The following C18orf54 variants were observed in gnomAD, a reference collection of about 807,000 sequenced individuals.
The protein encoded by C18orf54 is chromosome 18 open reading frame 54, also known as lung adenoma susceptibility protein 2.
Under a neutral mutation model 49.3 loss-of-function variants are expected in C18orf54, and 49 were observed. The observed-to-expected ratio is 0.99, with a 90% confidence interval of 0.79 to 1.26. The LOEUF is 1.26. C18orf54 is among the 50% of genes most tolerant of loss of function. The pLI is 0.00. For missense variants in C18orf54, 687 were observed against 620.6 expected (o/e 1.11, Z -1.14); for synonymous variants, 211 against 216.6 (o/e 0.97, Z 0.23).
chr18:54,373,590 T>C (rs943851340), intron 7 of C18orf54, among the ~76,000 whole-genome samples: 2 of 151,868 alleles, frequency 1.3e-5, no homozygotes, highest in Admixed American at 1.3e-4. Context: ...GAGATTATTA[T>C]TCAGTGTCTG....
At chr18:54,368,231 G>A (rs1280466603) in intron 6 of C18orf54, among the ~76,000 whole-genome samples, 3 of 151,762 alleles carry the variant, frequency 2.0e-5, no homozygotes, top group Non-Finnish European at 4.4e-5. Context: ...TCCTTTGGTG[G>A]TGTCATATTT....
At position 54,361,926 on chromosome 18, in the gene C18orf54, A is replaced by C; in HGVS notation, c.567A>C (p.Ser189=). Residue 189 remains serine (S), a synonymous_variant, in exon 4 of 9, where the codon TCA becomes TCC. Transcript: ENST00000620105. ...ACTTTGTTACTCCTGTTATACGCTCAAATATAAATGGAAAGCAATGTGGTA... is the reference window on the plus strand; with the variant it reads ...ACTTTGTTACTCCTGTTATACGCTCCAATATAAATGGAAAGCAATGTGGTA... ...KDNFVTPVIR[S]NINGKQCGRL... 1.2e-6 allele frequency: 2 copies of C among 1,614,184 alleles called. No homozygotes were observed. Among genetic ancestry groups the C allele is most frequent in the Admixed American group, 1.7e-5 (1 of 60,030 alleles).
rs1463670416 is a variant in C18orf54 at position 54,381,018 on chromosome 18, T to C, written c.*2772T>C. The stretch of plus-strand genomic sequence containing the variant: ...TGAAGTTTCTTCAAATGTGCAAGAC[T>C]GTGTGTCTTCCTATTAGATGTATAA... On this transcript the variant is annotated 3_prime_UTR_variant, in exon 9 of 9. Transcript: ENST00000620105. The C allele has an allele frequency of 6.6e-6, 1 of 152,170 alleles. No homozygotes were observed. The highest frequency in any genetic ancestry group is 1.5e-5 in the Non-Finnish European group (1 of 68,012). 9.4% of individuals were successfully genotyped at this position (152,170 alleles called of 1,614,324 possible).
rs1261997476 is a variant in C18orf54 at position 54,379,057 on chromosome 18, A to C, written c.*811A>C. ...AATTGCTTTATCAAATTTGATAACT[A>C]AAACTTAAAATGAATATGGAAAATC... On this transcript the variant is annotated 3_prime_UTR_variant, in exon 9 of 9. Transcript: ENST00000620105. 1.3e-5 allele frequency: 2 copies of C among 152,124 alleles called. No homozygotes were observed. 9.4% of individuals were successfully genotyped at this position (152,124 alleles called of 1,614,324 possible).
chr18:54,372,747 A>C (rs2089511483), intron 7 of C18orf54, 150 bp downstream of exon 7: 2 of 639,084 alleles, frequency 3.1e-6, no homozygotes, highest in South Asian at 2.6e-5. Context: ...TTTTGTTAGG[A>C]AGTAATGTAC....
intron 6 of C18orf54, among the ~76,000 whole-genome samples, chr18:54,369,715 C>T (rs1256981046): frequency 6.6e-6 from 1 of 151,966 alleles, no homozygotes; most frequent in Non-Finnish European, 1.5e-5. Context: ...GTGATCCACC[C>T]GCCTCAACCT....
In C18orf54 at chr18:54,372,494, A is replaced by G. The variant is rs776289193; in HGVS notation, c.1355A>G (p.His452Arg). The change falls in exon 7 of 9, where the codon CAT becomes CGT. Residue 452 changes from histidine to arginine, a missense_variant. His to Arg is a conservative substitution (Grantham distance 29). Transcript: ENST00000620105. ...TGTACTCTCTCTGGAGGCAAACATCATGGTCCTGTTGAAGCCCTGAAACAA... is the reference window on the plus strand; with the variant it reads ...TGTACTCTCTCTGGAGGCAAACATCGTGGTCCTGTTGAAGCCCTGAAACAA... ...QSCTLSGGKHHGPVEALKQML... is the reference protein window; with the variant it reads ...QSCTLSGGKHRGPVEALKQML... 8 of 1,610,356 alleles carry G rather than the reference A, an allele frequency of 5.0e-6. No individual in the cohort carries two copies. The highest frequency in any genetic ancestry group is 3.3e-5 in the Admixed American group (2 of 59,862).
chr18:54,367,204 T>C (rs1347043675), intron 6 of C18orf54, among the ~76,000 whole-genome samples: 3 of 152,182 alleles, frequency 2.0e-5, no homozygotes, highest in African/African-American at 7.2e-5. Context: ...TTTTGTTTAC[T>C]GTACTCTGGT....
intron 5 of C18orf54, chr18:54,364,083 TTTC>T (rs1192233481): frequency 6.6e-6 from 1 of 151,906 alleles, no homozygotes; most frequent in Non-Finnish European, 1.5e-5. Context: ...AATATTTTAT[TTTC>T]TTCTTTTAGC....
chr18:54,369,487 TTGG>T (rs1410461282), intron 6 of C18orf54, among the ~76,000 whole-genome samples: 5 of 99,276 alleles, frequency 5.0e-5, no homozygotes, highest in South Asian at 6.6e-4. Flanking sequence ...TTTTTTTTTT[TTGG>T]AGACAGTCTT....
chr18:54,372,655 C>G (rs2089509269), intron 7 of C18orf54, 58 bp downstream of exon 7: 1 of 1,465,072 alleles, frequency 6.8e-7, no homozygotes, highest in Non-Finnish European at 9.2e-7. Context: ...AGATTTTTTT[C>G]TACATCTTTT....
chr18:54,364,468 G>T (rs1376657890), intron 5 of C18orf54, among the ~76,000 whole-genome samples: 1 of 152,074 alleles, frequency 6.6e-6, no homozygotes, highest in Non-Finnish European at 1.5e-5. Flanking sequence ...TGAAGGGAAT[G>T]TTTGTAGATA....
At chr18:54,378,071 A>T in intron 8 of C18orf54, 103 bp from the exon 9 acceptor site, 1 of 697,178 alleles carries the variant, frequency 1.4e-6, no homozygotes, top group Non-Finnish European at 2.2e-6. Context: ...TCTCATACCA[A>T]TTTTGAAGTT....
At chr18:54,362,960 A>G in intron 5 of C18orf54, 39 bp downstream of exon 5, 1 of 1,549,024 alleles carries the variant, frequency 6.5e-7, no homozygotes, top group Non-Finnish European at 8.7e-7. Flanking sequence ...TAGTTTTCCA[A>G]ATGAAAAATG....
intron 1 of C18orf54, among the ~76,000 whole-genome samples, 153 bp downstream of exon 1, chr18:54,358,228 C>T (rs1267344330): frequency 1.3e-5 from 2 of 152,014 alleles, no homozygotes; most frequent in Admixed American, 6.5e-5. Context: ...GAGGAGACGT[C>T]TCCTGAGGGA....
chr18:54,374,453 T>G (rs2089538334), intron 8 of C18orf54, among the ~76,000 whole-genome samples, 169 bp downstream of exon 8: 1 of 151,846 alleles, frequency 6.6e-6, no homozygotes, highest in African/African-American at 2.4e-5. Flanking sequence ...TTTAAACTTG[T>G]GCTTTTTCCT....
intron 7 of C18orf54, 35 bp from the exon 8 acceptor site, chr18:54,374,179 T>G (rs776658933): frequency 6.9e-7 from 1 of 1,441,824 alleles, no homozygotes; most frequent in Non-Finnish European, 9.4e-7. Flanking sequence ...TATATAATTT[T>G]AATATTTTGT....
intron 3 of C18orf54, 61 bp downstream of exon 3, chr18:54,360,916 C>A: frequency 6.9e-7 from 1 of 1,453,068 alleles, no homozygotes; most frequent in Non-Finnish European, 9.4e-7. Context: ...GGGAGATGTA[C>A]TGTAGTATTG....
At position 54,372,492 on chromosome 18, in the gene C18orf54, T is replaced by G. The variant is rs770508512; in HGVS notation, c.1353T>G (p.His451Gln). ...GCTGTACTCTCTCTGGAGGCAAACATCATGGTCCTGTTGAAGCCCTGAAAC... is the reference window on the plus strand; with the variant it reads ...GCTGTACTCTCTCTGGAGGCAAACAGCATGGTCCTGTTGAAGCCCTGAAAC... ...NQSCTLSGGK[H>Q]HGPVEALKQM... The change falls in exon 7 of 9, where the codon CAT (histidine) becomes CAG (glutamine). Residue 451 changes from histidine (H) to glutamine (Q), a missense_variant. Coordinates refer to ENST00000620105, the MANE Select transcript of C18orf54 (RefSeq NM_001288980.2). The G allele has an allele frequency of 9.9e-6, 16 of 1,610,288 alleles. No individual in the cohort carries two copies. The highest frequency in any genetic ancestry group is 5.5e-5 in the South Asian group (5 of 90,286).
Sources: gnomAD v4.1 joint callset for allele counts (sites outside exome capture counted in the v4.1 genomes callset) on GRCh38, gnomAD v4.1.1 for gene constraint, MANE v1.5 for transcripts, NCBI Gene and HGNC (gene_info 2026-07-23, HGNC 2026-07-21) for gene names.